PIGN: variants seen among roughly 807,000 people sequenced by gnomAD.
The protein encoded by PIGN is phosphatidylinositol glycan anchor biosynthesis class N, also known as GPI ethanolamine phosphate transferase 1.
Under a neutral mutation model 125.4 loss-of-function variants are expected in PIGN, and 117 were observed. The observed-to-expected ratio is 0.93, with a 90% CI of 0.80 to 1.09. The LOEUF (loss-of-function observed/expected upper bound fraction) is 1.09, where lower values mean the gene tolerates loss of function less well. Among genes scored for constraint, PIGN ranks in the 50% least tolerant of loss-of-function variants. The pLI is 0.00. For missense variants in PIGN, 1,075 were observed against 1,094.9 expected (o/e 0.98, Z 0.26); for synonymous variants, 392 against 377.8 (o/e 1.04, Z -0.44).
At chr18:62,023,359 G>A (rs1439006606) in intron 23 of PIGN, among the ~76,000 whole-genome samples, 1 of 152,112 alleles carries the variant, frequency 6.6e-6, no homozygotes, top group Non-Finnish European at 1.5e-5. Context: ...CTTTCACTTA[G>A]CATAATGTTT....
In PIGN at chr18:62,139,090, C is replaced by A; in HGVS notation, c.1024-15G>T. 6.6e-7 allele frequency: 1 copy of A among 1,505,594 alleles called. No individual in the cohort carries two copies. Among genetic ancestry groups the A allele is most frequent in the Non-Finnish European group, 9.2e-7 (1 of 1,090,228 alleles). The allele number at this position is 1,505,594 out of a possible 1,614,324, so 93.3% of individuals were successfully genotyped here. The stretch of plus-strand genomic sequence containing the variant: ...GGAAGGATTCCCTGAAAATAACAAA[C>A]ACCAGCTTATTGATAGTATTCAGAC... On this transcript the variant is annotated splice_polypyrimidine_tract_variant and intron_variant, in intron 12 of 30. Coordinates refer to ENST00000640252, the MANE Select transcript of PIGN (RefSeq NM_176787.5).
At chr18:62,062,021 C>T (rs1180363809) in intron 30 of PIGN, among the ~76,000 whole-genome samples, 1 of 152,140 alleles carries the variant, frequency 6.6e-6, no homozygotes, top group Non-Finnish European at 1.5e-5. Context: ...CCACATGGTT[C>T]ACAGAGGCAC....
chr18:62,122,260 T>G (rs1394322310), intron 14 of PIGN, among the ~76,000 whole-genome samples: 1 of 152,162 alleles, frequency 6.6e-6, no homozygotes, highest in Non-Finnish European at 1.5e-5. Context: ...TTTCCCTGAT[T>G]TGATTATATG....
At chr18:62,018,071 C>T (rs546589446) in intron 23 of PIGN, among the ~76,000 whole-genome samples, 1 of 152,264 alleles carries the variant, frequency 6.6e-6, no homozygotes, top group South Asian at 2.1e-4. Flanking sequence ...GAGGCTTTGG[C>T]GATAGCTAAA....
In PIGN at chr18:62,148,203, T is replaced by C. The variant is rs2036404562; in HGVS notation, c.674+11A>G. The C allele has an allele frequency of 1.3e-6, 2 of 1,527,766 alleles. No homozygotes were observed. The highest frequency in any genetic ancestry group is 1.4e-5 in the African/African-American group (1 of 72,036). 94.6% of individuals were successfully genotyped at this position (1,527,766 alleles called of 1,614,324 possible). On this transcript the variant is annotated intron_variant, in intron 8 of 30. Coordinates refer to ENST00000640252, the MANE Select transcript of PIGN (RefSeq NM_176787.5). ...CCCTAAAAAATACAATTAAACACAA[T>C]ATTAAATTACCTCGAGGATGGTCGA...
At chr18:62,096,176 T>C (rs553684373) in intron 22 of PIGN, among the ~76,000 whole-genome samples, 1 of 152,132 alleles carries the variant, frequency 6.6e-6, no homozygotes, top group African/African-American at 2.4e-5. Context: ...GCGCCTGTAA[T>C]CCCAGCTACT....
Position 62,106,837 on chromosome 18 carries a change from A to G in PIGN, c.1719T>C (p.Thr573=), listed in dbSNP as rs1320741139. 6.2e-6 allele frequency: 10 copies of G among 1,609,700 alleles called. 1 individual carries two copies. Among genetic ancestry groups the G allele is most frequent in the Middle Eastern group, 1.7e-4 (1 of 6,060 alleles). ...FYRYMLTAGL[T]AFAAWPFLTR... is the part of the protein sequence containing the mutation. The stretch of plus-strand genomic sequence containing the variant: ...TGAGAAATGGCCAAGCTGCAAAGGC[A>G]GTAAGTCCAGCGGTAAGCATATAGC... Residue 573 remains threonine (T), a synonymous_variant, in exon 19 of 31, where the codon ACT becomes ACC. Transcript: ENST00000640252.
At chr18:62,120,103 A>T (rs1467608297) in intron 14 of PIGN, among the ~76,000 whole-genome samples, 1 of 152,144 alleles carries the variant, frequency 6.6e-6, no homozygotes, top group Non-Finnish European at 1.5e-5. Flanking sequence ...ATTTAAGAAC[A>T]TCTACAAACC....
At chr18:62,032,103 AG>A (rs2030200930) in intron 23 of PIGN, among the ~76,000 whole-genome samples, 1 of 152,118 alleles carries the variant, frequency 6.6e-6, no homozygotes, top group Admixed American at 6.5e-5. Context: ...CATTGGGTTT[AG>A]GGACCACCTG....
chr18:62,130,066 C>A (rs1337880580), intron 14 of PIGN, among the ~76,000 whole-genome samples: 1 of 152,052 alleles, frequency 6.6e-6, no homozygotes, highest in Non-Finnish European at 1.5e-5. Flanking sequence ...CCAAGGAAAC[C>A]GAGGATTGCT....
At chr18:62,053,279 A>G (rs2031461293) in intron 30 of PIGN, among the ~76,000 whole-genome samples, 1 of 152,212 alleles carries the variant, frequency 6.6e-6, no homozygotes, top group South Asian at 2.1e-4. Flanking sequence ...TAATACCTAC[A>G]GCAACCATTT....
chr18:62,110,233 G>T, intron 16 of PIGN: 1 of 320,804 alleles, frequency 3.1e-6, no homozygotes, highest in Non-Finnish European at 5.7e-6. Context: ...CTTAAAGTTT[G>T]TTTGCAAGTA....
chr18:62,100,455 A>G (rs1028686371), intron 22 of PIGN, among the ~76,000 whole-genome samples: 4 of 152,228 alleles, frequency 2.6e-5, no homozygotes, highest in African/African-American at 7.2e-5. Flanking sequence ...AAGTTAAAGC[A>G]TATGTCAAAT....
At position 62,064,286 on chromosome 18, in the gene PIGN, G is replaced by T. The variant is rs149249285; in HGVS notation, c.2672+8387C>A. Among the ~76,000 whole-genome samples the T allele has an allele frequency of 2.0e-5, 3 of 152,198 alleles. No homozygotes were observed. In the East Asian group the frequency reaches 5.8e-4, roughly 29 times the overall value. On this transcript the variant is annotated intron_variant, in intron 30 of 30. Transcript: ENST00000640252. ...GGCCATAACCTCCCTGAAAGCAGTGGCCATGTGTTAAGAGTCATACACTTC... is the reference window on the plus strand; with the variant it reads ...GGCCATAACCTCCCTGAAAGCAGTGTCCATGTGTTAAGAGTCATACACTTC...
At chr18:62,134,914 TG>T (rs1203221313) in intron 14 of PIGN, among the ~76,000 whole-genome samples, 1 of 152,200 alleles carries the variant, frequency 6.6e-6, no homozygotes, top group Non-Finnish European at 1.5e-5. Flanking sequence ...GGCGGGCGGA[TG>T]AAGAAATGTA....
chr18:62,138,112 T>C lies in PIGN; in HGVS notation c.1172+131A>G. 5 of 1,257,616 alleles carry C rather than the reference T, an allele frequency of 4.0e-6. No homozygotes were observed. In the South Asian group the frequency reaches 4.5e-5, roughly 11 times the overall value. 77.9% of individuals were successfully genotyped at this position (1,257,616 alleles called of 1,614,324 possible). On this transcript the variant is annotated intron_variant, in intron 14 of 30. Transcript: ENST00000640252. ...CAACAGCAATAGAAGAGGATTTCAATTTGGAGTTTACACTAATGTATATAA... is the reference window on the plus strand; with the variant it reads ...CAACAGCAATAGAAGAGGATTTCAACTTGGAGTTTACACTAATGTATATAA...
Position 62,046,060 on chromosome 18 carries a change from T to C in PIGN, c.2673-81A>G, listed in dbSNP as rs768858967. The C allele has an allele frequency of 1.2e-5, 17 of 1,421,034 alleles. 1 individual carries two copies. The African/African-American group carries it at 1.7e-4, about 14-fold the overall frequency. The allele number at this position is 1,421,034 out of a possible 1,614,324, so 88.0% of individuals were successfully genotyped here. The stretch of plus-strand genomic sequence containing the variant: ...TGAGATTCCTCTGAATGGTTTTAAA[T>C]GGACAGATGAAAATCTCCACTTTCA... On this transcript the variant is annotated intron_variant, in intron 30 of 30. Transcript: ENST00000640252.
At position 62,140,415 on chromosome 18, in the gene PIGN, C is replaced by A; in HGVS notation, c.1023+5G>T. The A allele has an allele frequency of 7.4e-7, 1 of 1,357,340 alleles. No homozygotes were observed. The highest frequency in any genetic ancestry group is 1.3e-5 in the South Asian group (1 of 75,928). 84.1% of individuals were successfully genotyped at this position (1,357,340 alleles called of 1,614,324 possible). On this transcript the variant is annotated splice_donor_5th_base_variant and intron_variant, in intron 12 of 30. Coordinates refer to ENST00000640252, the MANE Select transcript of PIGN (RefSeq NM_176787.5). ...GAGAGTTGATAATAAAATTTTATTC[C>A]TTACCACTGAGTTAAGAGGAAAGGG...
chr18:62,062,882 CTTTTTTTTTTTTTTT>C (rs71160811), intron 30 of PIGN, among the ~76,000 whole-genome samples: 4 of 21,068 alleles, frequency 1.9e-4, no homozygotes, highest in African/African-American at 9.7e-4. Context: ...TTGTATTCTG[CTTTTTTTTTTTTTTT>C]TTTTTTTTTT....
Sources: allele counts gnomAD v4.1 joint callset (sites outside exome capture counted in the v4.1 genomes callset), GRCh38; gene constraint gnomAD v4.1.1; transcripts MANE v1.5; gene names NCBI Gene and HGNC (gene_info 2026-07-23, HGNC 2026-07-21).